ZNG1E: variants seen among roughly 807,000 people sequenced by gnomAD.
The protein encoded by ZNG1E is zinc-regulated GTPase metalloprotein activator 1E.
At chr9:65,676,684 A>T in the ZNG1E span, among the ~76,000 whole-genome samples, 3 of 148,548 alleles carry the variant, frequency 2.0e-5, no homozygotes, top group South Asian at 6.5e-4. Context: ...AGGAAGTAAG[A>T]ATAAAATCTC....
the ZNG1E span, chr9:65,707,114 G>A: frequency 3.2e-5 from 3 of 95,222 alleles, no homozygotes; most frequent in Non-Finnish European, 6.3e-5. Context: ...GGGTTCAAGC[G>A]ATTCTCCTGC....
At chr9:65,708,846 A>G in the ZNG1E span, 2 of 669,010 alleles carry the variant, frequency 3.0e-6, no homozygotes, top group African/African-American at 3.8e-5. Flanking sequence ...TTTCTTGATT[A>G]ATTGGATGTA....
chr9:65,679,872 G>T, the ZNG1E span, among the ~76,000 whole-genome samples: 1 of 152,156 alleles, frequency 6.6e-6, no homozygotes, highest in South Asian at 2.1e-4. Flanking sequence ...TCTTTTTTAG[G>T]AATTAGAAAG....
chr9:65,709,251 T>A, the ZNG1E span, among the ~76,000 whole-genome samples: 2 of 148,466 alleles, frequency 1.3e-5, no homozygotes, highest in African/African-American at 5.1e-5. Flanking sequence ...AGAAAATGCA[T>A]GAAATACATG....
chr9:65,667,092 A>G, the ZNG1E span, among the ~76,000 whole-genome samples: 1 of 152,274 alleles, frequency 6.6e-6, no homozygotes, highest in Non-Finnish European at 1.5e-5. Flanking sequence ...AAGTGCTGGG[A>G]TTACACATGT....
chr9:65,679,900 CTA>C, the ZNG1E span, among the ~76,000 whole-genome samples: 1 of 152,200 alleles, frequency 6.6e-6, no homozygotes, highest in South Asian at 2.1e-4. Flanking sequence ...TGTATGGACT[CTA>C]TTGCAACTCA....
the ZNG1E span, among the ~76,000 whole-genome samples, chr9:65,705,409 C>T: frequency 6.6e-6 from 1 of 151,826 alleles, no homozygotes; most frequent in Non-Finnish European, 1.5e-5. Context: ...TTAAGGAGAT[C>T]AGTCATTGGG....
the ZNG1E span, among the ~76,000 whole-genome samples, chr9:65,662,043 T>C: frequency 6.6e-6 from 1 of 152,236 alleles, no homozygotes; most frequent in Non-Finnish European, 1.5e-5. Context: ...AAACAGTAAT[T>C]TTCTTGTGGC....
the ZNG1E span, among the ~76,000 whole-genome samples, chr9:65,678,001 A>C: frequency 1.3e-5 from 2 of 150,238 alleles, no homozygotes; most frequent in Non-Finnish European, 3.0e-5. Flanking sequence ...AGCTCTATGA[A>C]GGCAGAGACT....
the ZNG1E span, among the ~76,000 whole-genome samples, chr9:65,663,191 G>A: frequency 1.3e-5 from 2 of 152,206 alleles, no homozygotes; most frequent in Non-Finnish European, 2.9e-5. Context: ...CCTCAGGCAA[G>A]TCAACTGTTA....
At chr9:65,662,784 A>G in the ZNG1E span, among the ~76,000 whole-genome samples, 1 of 151,950 alleles carries the variant, frequency 6.6e-6, no homozygotes, top group African/African-American at 2.4e-5. Flanking sequence ...ATGAAACAGC[A>G]TACTATTCTG....
the ZNG1E span, among the ~76,000 whole-genome samples, chr9:65,663,926 A>C: frequency 3.9e-5 from 6 of 152,182 alleles, no homozygotes; most frequent in African/African-American, 1.4e-4. Flanking sequence ...GTGTATCATC[A>C]CAAACATATT....
chr9:65,716,689 AATTG>A, the ZNG1E span, among the ~76,000 whole-genome samples: 37 of 151,398 alleles, frequency 2.4e-4, no homozygotes, highest in Non-Finnish European at 2.5e-4. Flanking sequence ...AGAAAAAAGA[AATTG>A]ATTGAGATTA....
At chr9:65,668,814 A>G in the ZNG1E span, 1 of 111,724 alleles carries the variant, frequency 9.0e-6, no homozygotes, top group Non-Finnish European at 1.8e-5. Flanking sequence ...TACAGGCATG[A>G]GCCACTGTGC....
At chr9:65,715,257 C>T in the ZNG1E span, among the ~76,000 whole-genome samples, 4 of 145,878 alleles carry the variant, frequency 2.7e-5, no homozygotes, top group East Asian at 2.0e-4. Context: ...TGCTTCGGCT[C>T]GCGGATGGAG....
At chr9:65,666,928 C>A in the ZNG1E span, among the ~76,000 whole-genome samples, 1 of 152,226 alleles carries the variant, frequency 6.6e-6, no homozygotes, top group Non-Finnish European at 1.5e-5. Flanking sequence ...TCAAGCGATT[C>A]TCCTGCCTCA....
chr9:65,673,719 C>T, the ZNG1E span, among the ~76,000 whole-genome samples: 2 of 152,274 alleles, frequency 1.3e-5, no homozygotes, highest in African/African-American at 2.4e-5. Flanking sequence ...ATGGGAGGAT[C>T]ACTTGAGCCC....
chr9:65,662,433 C>G, the ZNG1E span, among the ~76,000 whole-genome samples: 2 of 152,238 alleles, frequency 1.3e-5, no homozygotes, highest in African/African-American at 2.4e-5. Flanking sequence ...GGTAGCGTAT[C>G]GACGCTCATT....
At chr9:65,660,725 G>A in the ZNG1E span, among the ~76,000 whole-genome samples, 1 of 146,242 alleles carries the variant, frequency 6.8e-6, no homozygotes, top group South Asian at 2.2e-4. Context: ...TAGTATCCCT[G>A]CCAATTGATA....
Sources: allele counts gnomAD v4.1 joint callset (sites outside exome capture counted in the v4.1 genomes callset), GRCh38; gene constraint gnomAD v4.1.1; transcripts MANE v1.5; gene names NCBI Gene and HGNC (gene_info 2026-07-23, HGNC 2026-07-21).